GRTP1: variants seen among roughly 807,000 people sequenced by gnomAD.
GRTP1 encodes growth hormone regulated TBC protein 1.
A neutral mutation model predicts 38.1 loss-of-function variants in GRTP1; 56 were observed. The observed-to-expected ratio is 1.47, with a 90% CI of 1.19 to 1.84. GRTP1 has a LOEUF of 1.84. GRTP1 is among the 40% of genes most tolerant of loss of function. GRTP1 has a pLI of 0.00. For synonymous variants in GRTP1, 217 were observed against 189.5 expected, an observed-to-expected ratio of 1.14 and a Z score of -1.19; for missense variants, 506 against 453.9, an observed-to-expected ratio of 1.11 and a Z score of -1.04.
chr13:113,363,774 T>G lies in GRTP1; in HGVS notation c.169A>C (p.Arg57=), dbSNP rs2043546488. Residue 57 remains arginine (R), a synonymous_variant, in exon 2 of 8, where the codon AGG becomes CGG. Coordinates refer to ENST00000375431, the MANE Select transcript of GRTP1 (RefSeq NM_024719.4). ...CCCCGGGACCCACCTGTCCGGCTCCTGGGGACGCCCCCGCCCTGCAGCAGC... is the reference window on the plus strand; with the variant it reads ...CCCCGGGACCCACCTGTCCGGCTCCGGGGGACGCCCCCGCCCTGCAGCAGC... The part of the protein sequence containing the change: ...SRLLQGGGVP[R]SRTVKRYVRK... 1 of 1,581,222 alleles carries G rather than the reference T, an allele frequency of 6.3e-7. No individual in the cohort carries two copies. Among genetic ancestry groups the G allele is most frequent in the Admixed American group, 1.7e-5 (1 of 58,226 alleles).
At chr13:113,325,136 G>A in intron 7 of GRTP1, 1 of 1,024,670 alleles carries the variant, frequency 9.8e-7, no homozygotes, top group South Asian at 4.1e-5. Context: ...GGCCAACATG[G>A]TCTTCTCTTT....
intron 2 of GRTP1, among the ~76,000 whole-genome samples, chr13:113,358,776 A>C (rs1289355381): frequency 6.6e-6 from 1 of 152,270 alleles, no homozygotes; most frequent in Non-Finnish European, 1.5e-5. Context: ...AAGAGCTGGC[A>C]AGAATGTGGA....
intron 5 of GRTP1, among the ~76,000 whole-genome samples, chr13:113,330,032 C>T (rs2042834936): frequency 1.3e-5 from 2 of 150,486 alleles, no homozygotes; most frequent in South Asian, 4.2e-4. Context: ...TACATGGAAA[C>T]CCAGGTGCCT....
intron 2 of GRTP1, among the ~76,000 whole-genome samples, chr13:113,356,258 T>C (rs2043383405): frequency 2.0e-5 from 3 of 151,404 alleles, no homozygotes; most frequent in South Asian, 4.2e-4. Flanking sequence ...ACTATATATA[T>C]TTTATTTTAT....
At chr13:113,337,865 A>AC (rs1375709511) in intron 5 of GRTP1, among the ~76,000 whole-genome samples, 1 of 152,072 alleles carries the variant, frequency 6.6e-6, no homozygotes, top group African/African-American at 2.4e-5. Context: ...GCCTCCCTCC[A>AC]CCCACCTCTG....
chr13:113,332,393 CCA>C (rs1444211375), intron 5 of GRTP1, among the ~76,000 whole-genome samples: 14 of 7,874 alleles, frequency 1.8e-3, no homozygotes, highest in Admixed American at 5.5e-3. Context: ...CACACGCACG[CCA>C]CACACAGGTA....
intron 5 of GRTP1, among the ~76,000 whole-genome samples, chr13:113,330,484 A>T (rs563777180): frequency 8.4e-6 from 1 of 119,116 alleles, no homozygotes; most frequent in East Asian, 2.8e-4. Flanking sequence ...AGGTGTGTGC[A>T]TGGGAGCCCA....
intron 5 of GRTP1, among the ~76,000 whole-genome samples, chr13:113,334,280 A>ACTGCCCCCCCCCCCCCCCCCCCCCCCCCG (rs1202504022): frequency 1.4e-5 from 2 of 142,478 alleles, no homozygotes; most frequent in Non-Finnish European, 3.1e-5. Flanking sequence ...CACTGCCACG[A>ACTGCCCCCCCCCCCCCCCCCCCCCCCCCG]CAGCCTCCCG....
intron 5 of GRTP1, chr13:113,339,786 T>C (rs2043001862): frequency 6.6e-6 from 1 of 152,234 alleles, no homozygotes; most frequent in South Asian, 2.1e-4. Context: ...GCTTTGCCCT[T>C]GATTATTCCA....
intron 5 of GRTP1, among the ~76,000 whole-genome samples, chr13:113,339,063 T>G (rs1280241327): frequency 6.6e-6 from 1 of 152,006 alleles, no homozygotes; most frequent in Non-Finnish European, 1.5e-5. Context: ...ACAGGTGCAC[T>G]GCACCATGCC....
intron 5 of GRTP1, among the ~76,000 whole-genome samples, chr13:113,338,154 C>G (rs531831757): frequency 1.3e-5 from 2 of 152,182 alleles, no homozygotes; most frequent in African/African-American, 4.8e-5. Context: ...TGAGGAGGCC[C>G]GGGACCCATC....
intron 3 of GRTP1, among the ~76,000 whole-genome samples, 196 bp from the exon 4 acceptor site, chr13:113,351,169 G>A (rs530981221): frequency 1.3e-5 from 2 of 152,242 alleles, no homozygotes; most frequent in Non-Finnish European, 2.9e-5. Flanking sequence ...TCCTGAACTC[G>A]GGGCGGAGAG....
In GRTP1 at chr13:113,349,339, C is replaced by T. The variant is rs1254548542; in HGVS notation, c.465+1510G>A. 6.6e-6 allele frequency among the ~76,000 whole-genome samples: 1 copy of T among 151,278 alleles called. No homozygotes were observed. On this transcript the variant is annotated intron_variant, in intron 4 of 7. Transcript: ENST00000375431. This position sits in a 1 kb window ranked among gnomAD's most constrained non-coding sequence, Gnocchi z 5.0. ...GAGCAGCCGGGACCACAGGCGTGTGCCACCACACCCCGCTAATTTTTAAAA... is the reference window on the plus strand; with the variant it reads ...GAGCAGCCGGGACCACAGGCGTGTGTCACCACACCCCGCTAATTTTTAAAA...
chr13:113,346,540 C>A (rs1199185424), intron 4 of GRTP1, among the ~76,000 whole-genome samples: 3 of 17,772 alleles, frequency 1.7e-4, no homozygotes, highest in African/African-American at 1.9e-4. Flanking sequence ...CCGGGAGGAC[C>A]TCTGTGGCAA....
intron 2 of GRTP1, among the ~76,000 whole-genome samples, chr13:113,358,428 C>G (rs915340070): frequency 6.6e-6 from 1 of 152,162 alleles, no homozygotes; most frequent in African/African-American, 2.4e-5. Flanking sequence ...ATATGCACCT[C>G]TTTATCACTG....
At chr13:113,354,397 C>A (rs537915976) in intron 3 of GRTP1, among the ~76,000 whole-genome samples, 62 of 152,332 alleles carry the variant, frequency 4.1e-4, no homozygotes, top group African/African-American at 1.5e-3. Context: ...GTCTTTCTAA[C>A]CTCTCAGCAC....
In GRTP1 at chr13:113,348,258, C is replaced by A. The variant is rs1352339368; in HGVS notation, c.465+2591G>T. On this transcript the variant is annotated intron_variant, in intron 4 of 7. Coordinates refer to ENST00000375431, the MANE Select transcript of GRTP1 (RefSeq NM_024719.4). This position sits in a 1 kb window ranked among gnomAD's most constrained non-coding sequence, Gnocchi z 4.8. ...CCTGAGCTCAGGAGTTCAAGACCAG[C>A]CTGGGCAATGTGGCAAAACCCCGAT... 6.6e-6 allele frequency among the ~76,000 whole-genome samples: 1 copy of A among 152,084 alleles called. No individual in the cohort carries two copies. Among genetic ancestry groups the A allele is most frequent in the Non-Finnish European group, 1.5e-5 (1 of 68,004 alleles).
intron 2 of GRTP1, among the ~76,000 whole-genome samples, chr13:113,356,730 G>T (rs992175085): frequency 6.6e-6 from 1 of 152,178 alleles, no homozygotes; most frequent in Non-Finnish European, 1.5e-5. Context: ...ATAGGCTACA[G>T]TCAAGAAAAG....
chr13:113,364,007 C>A lies in GRTP1; in HGVS notation c.32+13G>T. The A allele has an allele frequency of 2.1e-6, 3 of 1,462,226 alleles. No individual in the cohort carries two copies. The highest frequency in any genetic ancestry group is 2.6e-5 in the Admixed American group (1 of 38,920). 90.6% of individuals were successfully genotyped at this position (1,462,226 alleles called of 1,614,324 possible). On this transcript the variant is annotated intron_variant, in intron 1 of 7. Coordinates refer to ENST00000375431, the MANE Select transcript of GRTP1 (RefSeq NM_024719.4). ...CGCAGCCGCCGGGGACGCCCGCACC[C>A]CGCGCCACACACCTGGGGACCCGCG...
Sources: allele counts gnomAD v4.1 joint callset (sites outside exome capture counted in the v4.1 genomes callset), GRCh38; gene constraint gnomAD v4.1.1; non-coding constraint Gnocchi (gnomAD v3.1); transcripts MANE v1.5; gene names NCBI Gene and HGNC (gene_info 2026-07-23, HGNC 2026-07-21).